Variants in TRMT11 observed in about 807,000 individuals in gnomAD.
TRMT11 encodes the protein tRNA methyltransferase 11, also known as tRNA (guanine(10)-N(2))-methyltransferase TRMT11.
Under a neutral mutation model 62.8 loss-of-function variants are expected in TRMT11, and 53 were observed. The ratio of observed to expected loss-of-function variants is 0.84; its 90% CI spans 0.68 to 1.06. The LOEUF is 1.06. TRMT11 is among the 50% of genes least tolerant of loss of function. The pLI is 0.00. For missense variants in TRMT11, 556 were observed against 553.4 expected, an observed-to-expected ratio of 1.00 and a Z score of -0.05; for synonymous variants, 188 against 190.3, an observed-to-expected ratio of 0.99 and a Z score of 0.10.
At chr6:125,996,820 C>T (rs1468397694) in intron 3 of TRMT11, among the ~76,000 whole-genome samples, 1 of 152,144 alleles carries the variant, frequency 6.6e-6, no homozygotes, top group East Asian at 1.9e-4. Flanking sequence ...ACATGGTTAG[C>T]GATGTTTTAT....
At chr6:126,243,044 G>C in the TRMT11 span, among the ~76,000 whole-genome samples, 2 of 152,068 alleles carry the variant, frequency 1.3e-5, no homozygotes, top group Non-Finnish European at 2.9e-5. Context: ...ATCTGACAAA[G>C]GGCTAATATC....
the TRMT11 span, among the ~76,000 whole-genome samples, chr6:126,250,290 A>T: frequency 1.3e-5 from 2 of 152,092 alleles, no homozygotes; most frequent in Non-Finnish European, 2.9e-5. Context: ...ATTGCAGGGG[A>T]ACTCTCTCCT....
intron 17 of TRMT11, among the ~76,000 whole-genome samples, chr6:126,078,845 C>T (rs1273744868): frequency 2.0e-5 from 3 of 152,122 alleles, no homozygotes; most frequent in African/African-American, 4.8e-5. Flanking sequence ...CTCATGGTAA[C>T]GAGTCATGTT....
At chr6:126,028,054 A>T (rs1407297786) in intron 12 of TRMT11, among the ~76,000 whole-genome samples, 1 of 152,152 alleles carries the variant, frequency 6.6e-6, no homozygotes, top group Non-Finnish European at 1.5e-5. Context: ...GCCTATTTCC[A>T]TTAGACATTA....
At chr6:126,234,143 C>T in the TRMT11 span, among the ~76,000 whole-genome samples, 6 of 152,034 alleles carry the variant, frequency 3.9e-5, no homozygotes, top group Admixed American at 1.3e-4. Flanking sequence ...TTGAGGACAA[C>T]AAAAAAGCAC....
the TRMT11 span, among the ~76,000 whole-genome samples, chr6:126,224,489 TGTCCCCTCAA>T: frequency 6.6e-6 from 1 of 152,184 alleles, no homozygotes; most frequent in African/African-American, 2.4e-5. Context: ...CTTTTTTCTT[TGTCCCCTCAA>T]GTTTAAGCAC....
chr6:126,190,493 C>T (rs1010800573), intron 1 of TRMT11, among the ~76,000 whole-genome samples: 5 of 152,144 alleles, frequency 3.3e-5, no homozygotes, highest in Middle Eastern at 3.2e-3. Flanking sequence ...GGCCTCCCAT[C>T]CATGCTTTCT....
chr6:126,196,569 A>G (rs866431639), intron 1 of TRMT11, among the ~76,000 whole-genome samples: 2 of 151,902 alleles, frequency 1.3e-5, no homozygotes, highest in Non-Finnish European at 2.9e-5. Context: ...AGATATTTTG[A>G]TTACTTGGAG....
intron 21 of TRMT11, among the ~76,000 whole-genome samples, chr6:126,164,126 C>T (rs1778231277): frequency 6.6e-6 from 1 of 152,152 alleles, no homozygotes; most frequent in African/African-American, 2.4e-5. Context: ...TATAAATTTC[C>T]CTCTAAACAC....
chr6:126,207,329 C>T (rs1778800135), downstream of TRMT11, among the ~76,000 whole-genome samples: 1 of 152,026 alleles, frequency 6.6e-6, no homozygotes, highest in Non-Finnish European at 1.5e-5. Context: ...ACAAATCAGG[C>T]AACAAGATGA....
At chr6:126,115,865 T>C (rs1380680683) in intron 21 of TRMT11, among the ~76,000 whole-genome samples, 1 of 151,998 alleles carries the variant, frequency 6.6e-6, no homozygotes, top group Non-Finnish European at 1.5e-5. Flanking sequence ...GGCAAGTTTC[T>C]AGATTATTTG....
chr6:126,269,674 G>A, the TRMT11 span, among the ~76,000 whole-genome samples: 1 of 152,152 alleles, frequency 6.6e-6, no homozygotes, highest in African/African-American at 2.4e-5. Flanking sequence ...GAAATTGGTT[G>A]AAAAACTTTA....
chr6:126,239,951 A>G, the TRMT11 span, among the ~76,000 whole-genome samples: 1 of 151,976 alleles, frequency 6.6e-6, no homozygotes, highest in Middle Eastern at 3.4e-3. Flanking sequence ...GCTTCATTTC[A>G]TTCATTTGAT....
chr6:126,243,641 G>T, the TRMT11 span, among the ~76,000 whole-genome samples: 1 of 152,156 alleles, frequency 6.6e-6, no homozygotes, highest in Admixed American at 6.5e-5. Flanking sequence ...GTAGGGACAT[G>T]GATGAAGCTG....
intron 1 of TRMT11, among the ~76,000 whole-genome samples, chr6:126,184,699 T>C (rs1051965106): frequency 6.6e-6 from 1 of 152,156 alleles, no homozygotes; most frequent in Non-Finnish European, 1.5e-5. Flanking sequence ...TGAAGGAAAG[T>C]AGCTGAGAAA....
intron 17 of TRMT11, among the ~76,000 whole-genome samples, chr6:126,087,348 A>T (rs1170852602): frequency 6.6e-6 from 1 of 152,220 alleles, no homozygotes; most frequent in Non-Finnish European, 1.5e-5. Flanking sequence ...ATTCTAAACC[A>T]AGATTAAAAC....
At chr6:126,071,335 A>G (rs1264190470) in intron 17 of TRMT11, among the ~76,000 whole-genome samples, 1 of 151,606 alleles carries the variant, frequency 6.6e-6, no homozygotes, top group Non-Finnish European at 1.5e-5. Context: ...ATTGGCATTC[A>G]TGTCCTGGCT....
At chr6:126,020,657 G>A (rs539231603) in intron 11 of TRMT11, among the ~76,000 whole-genome samples, 2 of 152,162 alleles carry the variant, frequency 1.3e-5, no homozygotes, top group South Asian at 2.1e-4. Context: ...ATTTACAAAC[G>A]TAATAGAGAT....
chr6:126,102,377 G>A (rs561899738), intron 17 of TRMT11, among the ~76,000 whole-genome samples: 2 of 152,130 alleles, frequency 1.3e-5, no homozygotes, highest in African/African-American at 4.8e-5. Context: ...GATGAATTTT[G>A]AGCAATATCT....
Sources: gnomAD v4.1 joint callset for allele counts (sites outside exome capture counted in the v4.1 genomes callset) on GRCh38, gnomAD v4.1.1 for gene constraint, MANE v1.5 for transcripts, NCBI Gene and HGNC (gene_info 2026-07-23, HGNC 2026-07-21) for gene names.